PPP1R1C: variants seen among roughly 807,000 people sequenced by gnomAD.
PPP1R1C encodes protein phosphatase 1 regulatory subunit 1C.
A neutral mutation model predicts 17.4 loss-of-function variants in PPP1R1C; 15 were observed. That is an observed-to-expected ratio of 0.86 (90% CI 0.58 to 1.33). PPP1R1C has a LOEUF of 1.33. Among genes scored for constraint, PPP1R1C ranks in the 40% most tolerant of loss-of-function variants. The pLI is 0.00. For synonymous variants in PPP1R1C, 35 were observed against 43.1 expected (o/e 0.81, Z 0.73); for missense variants, 143 against 130.0 (o/e 1.10, Z -0.48).
rs149930034 is a variant in PPP1R1C at position 181,994,315 on chromosome 2, A to T, written c.142+6416A>T. 5.3e-5 allele frequency among the ~76,000 whole-genome samples: 8 copies of T among 152,284 alleles called. No individual in the cohort carries two copies. In the East Asian group the frequency reaches 1.2e-3, roughly 22 times the overall value. ...AGTATGTAGAAAGAAAAAAAATGTA[A>T]GGATTGAGTATAAAAATCTTTTAGA... On this transcript the variant is annotated intron_variant, in intron 2 of 4. Coordinates refer to ENST00000682840, the MANE Select transcript of PPP1R1C (RefSeq NM_001080545.3).
chr2:182,126,151 CAT>C lies in PPP1R1C; in HGVS notation c.*7-2816_*7-2815del, dbSNP rs1267926635. On this transcript the variant is annotated intron_variant, in intron 5 of 5. Transcript: ENST00000280295. ...TAGATTTATGCATTCATAAATAAACCATATATATTGTATTTTTTTAAAAGTCT... is the reference window on the plus strand; with the variant it reads ...TAGATTTATGCATTCATAAATAAACCATATATTGTATTTTTTTAAAAGTCT... Among the ~76,000 whole-genome samples, 4 of 151,784 alleles carry C rather than the reference CAT, an allele frequency of 2.6e-5. No individual in the cohort carries two copies. The East Asian group carries it at 5.8e-4, about 22-fold the overall frequency.
At chr2:182,066,825 C>G (rs1390294639) in intron 4 of PPP1R1C, among the ~76,000 whole-genome samples, 1 of 151,980 alleles carries the variant, frequency 6.6e-6, no homozygotes. Context: ...GGTGGTCAGC[C>G]CTGTAATTTA....
chr2:181,982,213 A>G (rs919059280), upstream of PPP1R1C, among the ~76,000 whole-genome samples: 1 of 152,252 alleles, frequency 6.6e-6, no homozygotes, highest in Non-Finnish European at 1.5e-5. Context: ...AAAAACAAGT[A>G]TTGACAGTTA....
Position 182,024,732 on chromosome 2 carries a change from G to T in PPP1R1C, c.143-36710G>T, listed in dbSNP as rs141378787. ...TAGCCAGGCATGGCAGCATGAGCCT[G>T]TAGTCCCAGCTACTCAGGAGGTTGA... On this transcript the variant is annotated intron_variant, in intron 2 of 4. Coordinates refer to ENST00000682840, the MANE Select transcript of PPP1R1C (RefSeq NM_001080545.3). Among the ~76,000 whole-genome samples, 95 of 152,084 alleles carry T rather than the reference G, an allele frequency of 6.2e-4. 1 individual carries two copies. In the East Asian group the frequency reaches 0.018, roughly 29 times the overall value.
At chr2:182,045,336 G>C (rs1279595464) in intron 2 of PPP1R1C, among the ~76,000 whole-genome samples, 1 of 151,894 alleles carries the variant, frequency 6.6e-6, no homozygotes, top group East Asian at 1.9e-4. Context: ...AGATGATCAA[G>C]TGACAAAAAC....
At chr2:182,010,794 A>G (rs1686068130) in intron 2 of PPP1R1C, among the ~76,000 whole-genome samples, 1 of 151,896 alleles carries the variant, frequency 6.6e-6, no homozygotes, top group East Asian at 1.9e-4. Flanking sequence ...GGAGGTATGT[A>G]CCTTCTATTC....
At chr2:182,089,397 A>G (rs2125219506) in intron 4 of PPP1R1C, among the ~76,000 whole-genome samples, 1 of 152,334 alleles carries the variant, frequency 6.6e-6, no homozygotes, top group East Asian at 1.9e-4. Flanking sequence ...ACCACAATCC[A>G]TTTGGTAACT....
At chr2:182,037,945 A>G (rs1687062429) in intron 2 of PPP1R1C, among the ~76,000 whole-genome samples, 1 of 152,172 alleles carries the variant, frequency 6.6e-6, no homozygotes, top group Non-Finnish European at 1.5e-5. Flanking sequence ...TATTTGGAAA[A>G]TATCTCCTGA....
chr2:182,033,635 G>A (rs1454235119), intron 2 of PPP1R1C, among the ~76,000 whole-genome samples: 2 of 151,878 alleles, frequency 1.3e-5, no homozygotes, highest in African/African-American at 2.4e-5. Context: ...ATTCTTTTAC[G>A]ATAACCTTGT....
At chr2:182,111,620 A>G (rs1689440632) in intron 4 of PPP1R1C, among the ~76,000 whole-genome samples, 1 of 152,076 alleles carries the variant, frequency 6.6e-6, no homozygotes, top group South Asian at 2.1e-4. Context: ...TAAATATAAA[A>G]GCATTTTGAG....
chr2:182,028,910 T>C (rs1212022602), intron 2 of PPP1R1C, among the ~76,000 whole-genome samples: 2 of 115,320 alleles, frequency 1.7e-5, no homozygotes, highest in East Asian at 2.3e-4. Context: ...ATTGGGTGCA[T>C]ATATATTTAG....
At chr2:182,011,728 C>T (rs1416188309) in intron 2 of PPP1R1C, among the ~76,000 whole-genome samples, 1 of 151,924 alleles carries the variant, frequency 6.6e-6, no homozygotes, top group Admixed American at 6.6e-5. Flanking sequence ...TGAAGTTCTT[C>T]TACTTTGTAT....
chr2:182,014,002 G>T (rs1055966558), intron 2 of PPP1R1C, among the ~76,000 whole-genome samples: 2 of 152,136 alleles, frequency 1.3e-5, no homozygotes, highest in African/African-American at 2.4e-5. Flanking sequence ...CTGTCTAAAA[G>T]TTTACATATC....
intron 2 of PPP1R1C, among the ~76,000 whole-genome samples, chr2:182,009,541 G>C (rs991418525): frequency 3.3e-5 from 5 of 152,006 alleles, no homozygotes; most frequent in African/African-American, 1.2e-4. Flanking sequence ...TTTGTCATAT[G>C]AGTAGTTTTG....
At chr2:182,076,373 T>C (rs547498414) in intron 4 of PPP1R1C, among the ~76,000 whole-genome samples, 12 of 151,004 alleles carry the variant, frequency 7.9e-5, no homozygotes, top group Non-Finnish European at 1.8e-4. Flanking sequence ...TTTTTTTTTT[T>C]GTATGAACTT....
chr2:181,981,748 G>T (rs1685197412), upstream of PPP1R1C, among the ~76,000 whole-genome samples: 2 of 152,190 alleles, frequency 1.3e-5, no homozygotes, highest in South Asian at 4.1e-4. Context: ...TGGAGGAAAT[G>T]AATGAAGTTA....
intron 2 of PPP1R1C, among the ~76,000 whole-genome samples, chr2:182,032,785 G>A (rs75368930): frequency 1.2e-4 from 19 of 152,218 alleles, no homozygotes; most frequent in East Asian, 5.8e-4. Context: ...TTAGAATAGC[G>A]TGATGGGATG....
intron 2 of PPP1R1C, among the ~76,000 whole-genome samples, chr2:182,042,947 A>G (rs1352246487): frequency 1.3e-5 from 2 of 152,254 alleles, no homozygotes; most frequent in African/African-American, 2.4e-5. Flanking sequence ...CATCTGCTAC[A>G]ATAAGAATCC....
chr2:182,071,224 C>G (rs1001961280), intron 4 of PPP1R1C, among the ~76,000 whole-genome samples: 1 of 152,166 alleles, frequency 6.6e-6, no homozygotes. Context: ...TGTGTGGTTT[C>G]ATGTCTCCTT....
Sources: allele counts gnomAD v4.1 joint callset (sites outside exome capture counted in the v4.1 genomes callset), GRCh38; gene constraint gnomAD v4.1.1; transcripts MANE v1.5; gene names NCBI Gene and HGNC (gene_info 2026-07-23, HGNC 2026-07-21).